The following GAB1 variants were observed in gnomAD, a reference collection of about 807,000 sequenced individuals.
The protein encoded by GAB1 is GRB2 associated binding protein 1, also known as GRB2-associated-binding protein 1.
In GAB1, 19 loss-of-function variants were observed where a neutral mutation model predicts 66.5. The ratio of observed to expected loss-of-function variants is 0.29; its 90% CI spans 0.20 to 0.42. The LOEUF is 0.42. Among genes scored for constraint, GAB1 ranks in the 10% least tolerant of loss-of-function variants. GAB1 has a pLI of 1.00. For missense variants in GAB1, 732 were observed against 858.5 expected (o/e 0.85, Z 1.84); for synonymous variants, 294 against 301.4 (o/e 0.98, Z 0.25).
rs181154371 is a variant in GAB1 at position 143,438,914 on chromosome 4, T to C, written c.1195+314T>C. Among the ~76,000 whole-genome samples, 45 of 152,176 alleles carry C rather than the reference T, an allele frequency of 3.0e-4. No homozygotes were observed. The East Asian group carries it at 7.4e-3, about 25-fold the overall frequency. On this transcript the variant is annotated intron_variant, in intron 4 of 9. Coordinates refer to ENST00000262994, the MANE Select transcript of GAB1 (RefSeq NM_002039.4). Reference sequence around the variant, plus strand: ...TCTGTTGGGACAGAAGGGCAGGAAATGGACCAGCCACAAAGCCTCTCCGAG... The same window carrying C: ...TCTGTTGGGACAGAAGGGCAGGAAACGGACCAGCCACAAAGCCTCTCCGAG...
intron 1 of GAB1, among the ~76,000 whole-genome samples, chr4:143,389,901 C>A (rs1002466083): frequency 1.3e-5 from 2 of 152,152 alleles, no homozygotes; most frequent in African/African-American, 4.8e-5. Context: ...ACTCTGCCAG[C>A]CCCCTTCAAT....
rs577450732 is a variant in GAB1 at position 143,472,272 on chromosome 4, A to C, written c.*3083A>C. On this transcript the variant is annotated 3_prime_UTR_variant, in exon 10 of 10. Transcript: ENST00000262994. ...ATAAAGGTACTATGAGTGTGTCTGTATGTGTGTGTATATATAGCATTGTAT... is the reference window on the plus strand; with the variant it reads ...ATAAAGGTACTATGAGTGTGTCTGTCTGTGTGTGTATATATAGCATTGTAT... 1 of 152,220 alleles carries C rather than the reference A, an allele frequency of 6.6e-6. No individual in the cohort carries two copies. Among genetic ancestry groups the C allele is most frequent in the African/African-American group, 2.4e-5 (1 of 41,562 alleles). 9.4% of individuals were successfully genotyped at this position (152,220 alleles called of 1,614,324 possible). A position where few individuals can be genotyped will look rare whatever the true frequency, so the allele number is the denominator to read the frequency against.
chr4:143,350,723 G>C (rs1362176328), intron 1 of GAB1, among the ~76,000 whole-genome samples: 1 of 150,390 alleles, frequency 6.6e-6, no homozygotes, highest in African/African-American at 2.4e-5. Flanking sequence ...TTTAGGCCCT[G>C]GTAATGGGAA....
chr4:143,341,704 T>G (rs1339030771), intron 1 of GAB1, among the ~76,000 whole-genome samples: 1 of 152,166 alleles, frequency 6.6e-6, no homozygotes, highest in African/African-American at 2.4e-5. Context: ...ACACCCCTGG[T>G]TCTGGAAATG....
intron 1 of GAB1, among the ~76,000 whole-genome samples, chr4:143,356,795 C>G (rs1729463628): frequency 6.6e-6 from 1 of 152,116 alleles, no homozygotes; most frequent in African/African-American, 2.4e-5. Flanking sequence ...GCCTGCCAAA[C>G]AAAATGGGGG....
chr4:143,463,588 C>G (rs1430780843), intron 8 of GAB1, among the ~76,000 whole-genome samples: 1 of 149,982 alleles, frequency 6.7e-6, no homozygotes, highest in Admixed American at 6.6e-5. Context: ...AAGCCACTGC[C>G]CTGCAGCCCA....
At chr4:143,397,562 AT>A (rs1158619057) in intron 1 of GAB1, among the ~76,000 whole-genome samples, 3 of 152,188 alleles carry the variant, frequency 2.0e-5, no homozygotes, top group African/African-American at 7.2e-5. Context: ...TACTTTAAGG[AT>A]TATATCATAA....
At chr4:143,342,845 G>A (rs1409489550) in intron 1 of GAB1, among the ~76,000 whole-genome samples, 1 of 152,062 alleles carries the variant, frequency 6.6e-6, no homozygotes, top group Admixed American at 6.5e-5. Flanking sequence ...TTACAGGTGT[G>A]AGCCACCGTG....
intron 1 of GAB1, among the ~76,000 whole-genome samples, chr4:143,365,084 A>C (rs1241209032): frequency 6.6e-6 from 1 of 151,326 alleles, no homozygotes; most frequent in Non-Finnish European, 1.5e-5. Context: ...TCACCGTGTT[A>C]GCCAAGATGG....
chr4:143,451,941 T>C (rs1037715968), intron 6 of GAB1, among the ~76,000 whole-genome samples: 1 of 152,146 alleles, frequency 6.6e-6, no homozygotes, highest in African/African-American at 2.4e-5. Flanking sequence ...TTTTCTGGTG[T>C]GAATGTCTGA....
At chr4:143,376,196 GA>G (rs1452264231) in intron 1 of GAB1, among the ~76,000 whole-genome samples, 1 of 151,802 alleles carries the variant, frequency 6.6e-6, no homozygotes, top group Non-Finnish European at 1.5e-5. Context: ...ATATAAAAAA[GA>G]AAAAAATACA....
At chr4:143,354,367 ATATT>A (rs1729357319) in intron 1 of GAB1, among the ~76,000 whole-genome samples, 1 of 152,004 alleles carries the variant, frequency 6.6e-6, no homozygotes, top group African/African-American at 2.4e-5. Flanking sequence ...TTTCCAATGA[ATATT>A]TATATTTTCT....
chr4:143,372,516 T>C (rs1021727184), intron 1 of GAB1, among the ~76,000 whole-genome samples: 3 of 147,030 alleles, frequency 2.0e-5, no homozygotes, highest in Non-Finnish European at 4.5e-5. Flanking sequence ...ACTACTGAGA[T>C]TAACAGCAGT....
chr4:143,416,781 T>TC (rs1402886405), intron 2 of GAB1, among the ~76,000 whole-genome samples: 5 of 152,006 alleles, frequency 3.3e-5, no homozygotes, highest in African/African-American at 9.7e-5. Flanking sequence ...CTCAAAAAAC[T>TC]ATATTAGATT....
At chr4:143,456,185 C>T (rs1414942767) in intron 6 of GAB1, among the ~76,000 whole-genome samples, 7 of 152,160 alleles carry the variant, frequency 4.6e-5, no homozygotes, top group Non-Finnish European at 5.9e-5. Flanking sequence ...TAGCCGGGCG[C>T]GGTGGCTTAC....
chr4:143,465,952 T>C, intron 8 of GAB1, 151 bp from the exon 9 acceptor site: 1 of 738,444 alleles, frequency 1.4e-6, no homozygotes, highest in Non-Finnish European at 2.1e-6. Flanking sequence ...TTTTAAATAT[T>C]ACTTATTTTC....
At position 143,473,379 on chromosome 4, in the gene GAB1, CCCTT is replaced by C. The variant is rs1278854700; in HGVS notation, c.*4195_*4198del. 6.6e-6 allele frequency: 1 copy of C among 152,148 alleles called. No individual in the cohort carries two copies. The highest frequency in any genetic ancestry group is 6.5e-5 in the Admixed American group (1 of 15,274). The allele number at this position is 152,148 out of a possible 1,614,324, so 9.4% of individuals were successfully genotyped here. A position where few individuals can be genotyped will look rare whatever the true frequency, so the allele number is the denominator to read the frequency against. On this transcript the variant is annotated 3_prime_UTR_variant, in exon 10 of 10. Coordinates refer to ENST00000262994, the MANE Select transcript of GAB1 (RefSeq NM_002039.4). ...AGGACATATAAATTTATATTTCCAGCCCTTCCTTAGAGTCTTTATCTGCATCAAA... is the reference window on the plus strand; with the variant it reads ...AGGACATATAAATTTATATTTCCAGCCCTTAGAGTCTTTATCTGCATCAAA...
chr4:143,358,226 T>A (rs931128394), intron 1 of GAB1, among the ~76,000 whole-genome samples: 2 of 152,198 alleles, frequency 1.3e-5, no homozygotes, highest in Non-Finnish European at 2.9e-5. Flanking sequence ...TTGTCAGTGA[T>A]TCTTACATGA....
chr4:143,432,899 A>C (rs986769903), intron 2 of GAB1, among the ~76,000 whole-genome samples: 2 of 152,226 alleles, frequency 1.3e-5, no homozygotes, highest in African/African-American at 2.4e-5. Flanking sequence ...AATGGCAAAT[A>C]AAGTTATGAG....
Sources: allele counts gnomAD v4.1 joint callset (sites outside exome capture counted in the v4.1 genomes callset), GRCh38; gene constraint gnomAD v4.1.1; transcripts MANE v1.5; gene names NCBI Gene and HGNC (gene_info 2026-07-23, HGNC 2026-07-21).